SLC36A2: variants seen among roughly 807,000 people sequenced by gnomAD.
The protein encoded by SLC36A2 is solute carrier family 36 member 2.
Under a neutral mutation model 42.7 loss-of-function variants are expected in SLC36A2, and 39 were observed. That is an observed-to-expected ratio of 0.91 (90% CI 0.71 to 1.19). The LOEUF (loss-of-function observed/expected upper bound fraction) is 1.19. Among genes scored for constraint, SLC36A2 ranks in the 50% most tolerant of loss-of-function variants. The probability of loss-of-function intolerance (pLI) is 0.00; values close to 1 mark genes in which losing one functional copy is unlikely to be tolerated. For synonymous variants in SLC36A2, 237 were observed against 240.8 expected (o/e 0.98, Z 0.15); for missense variants, 590 against 613.7 (o/e 0.96, Z 0.41).
chr5:151,344,768 G>C (rs1386108989), intron 1 of SLC36A2, among the ~76,000 whole-genome samples: 1 of 152,088 alleles, frequency 6.6e-6, no homozygotes, highest in East Asian at 1.9e-4. Flanking sequence ...TCATAACTGA[G>C]GAAATGAAGG....
At chr5:151,335,243 GT>G in intron 6 of SLC36A2, 85 bp downstream of exon 6, 1 of 964,828 alleles carries the variant, frequency 1.0e-6, no homozygotes, top group Admixed American at 2.0e-5. Context: ...CACCTACAGG[GT>G]TGGCTCCAGG....
At position 151,331,907 on chromosome 5, in the gene SLC36A2, C is replaced by T. The variant is rs569457484; in HGVS notation, c.843+1317G>A. Among the ~76,000 whole-genome samples, 26 of 152,180 alleles carry T rather than the reference C, an allele frequency of 1.7e-4. No individual in the cohort carries two copies. The South Asian group carries it at 5.4e-3, about 32-fold the overall frequency. ...TATGGGACAGAGTCTTGCTCTGTCA[C>T]CCAGGCTGGAGTGCAGTGGCGCCAT... On this transcript the variant is annotated intron_variant, in intron 7 of 9. Transcript: ENST00000335244.
chr5:151,346,706 C>T lies in SLC36A2; in HGVS notation c.164+591G>A, dbSNP rs116757934. On this transcript the variant is annotated intron_variant, in intron 1 of 9. Transcript: ENST00000335244. ...AGCTGCAGCCCTGTAGCTTGGCTTC[C>T]CTCTTTTTTTATGTTTTGGAAGCCT... Among the ~76,000 whole-genome samples the T allele has an allele frequency of 9.6e-3, 1,458 of 152,196 alleles. 22 individuals are homozygous for T. Among genetic ancestry groups the T allele is most frequent in the African/African-American group, 0.033 (1,387 of 41,510 alleles).
chr5:151,321,494 G>A (rs1226882914), intron 9 of SLC36A2, among the ~76,000 whole-genome samples: 2 of 152,084 alleles, frequency 1.3e-5, no homozygotes, highest in East Asian at 1.9e-4. Context: ...AGTTCTTACA[G>A]TTATTGTTTG....
chr5:151,340,098 G>A (rs536344593), intron 4 of SLC36A2, among the ~76,000 whole-genome samples: 2 of 141,324 alleles, frequency 1.4e-5, no homozygotes, highest in Admixed American at 1.4e-4. Flanking sequence ...AGGAAAAAGA[G>A]GAGAAGGAGG....
chr5:151,319,152 T>G, intron 9 of SLC36A2: 2 of 975,328 alleles, frequency 2.1e-6, no homozygotes, highest in South Asian at 9.5e-5. Context: ...AGATTTTTCA[T>G]GTAAAGCATT....
chr5:151,333,417 T>G, intron 6 of SLC36A2, 95 bp from the exon 7 acceptor site: 1 of 1,021,526 alleles, frequency 9.8e-7, no homozygotes, highest in Non-Finnish European at 1.5e-6. Flanking sequence ...CTGAATTTTT[T>G]AAAATTGAAT....
chr5:151,322,060 A>G lies in SLC36A2; in HGVS notation c.1166T>C (p.Met389Thr). 1 of 1,614,216 alleles carries G rather than the reference A, an allele frequency of 6.2e-7. No homozygotes were observed. The highest frequency in any genetic ancestry group is 8.5e-7 in the Non-Finnish European group (1 of 1,180,034). ...LPLDLSIRLV[M>T]VCLTCLLAIL... ...TTTCTACTCACATGTCAGGCAGACC[A>G]TGACGAGGCGAATGGACAGATCCAG... The change falls in exon 9 of 10, where the codon ATG becomes ACG. Residue 389 changes from methionine (M) to threonine (T), a missense_variant. Physicochemically the swap from Met to Thr is moderately conservative, Grantham distance 81. Coordinates refer to ENST00000335244, the MANE Select transcript of SLC36A2 (RefSeq NM_181776.3).
At chr5:151,325,624 C>G (rs1184295671) in intron 7 of SLC36A2, among the ~76,000 whole-genome samples, 172 bp from the exon 8 acceptor site, 1 of 152,118 alleles carries the variant, frequency 6.6e-6, no homozygotes, top group East Asian at 1.9e-4. Flanking sequence ...TGGAAGCAAC[C>G]CAAGGGTCTA....
chr5:151,347,227 C>T (rs1756520539), intron 1 of SLC36A2, 70 bp downstream of exon 1: 42 of 1,590,898 alleles, frequency 2.6e-5, no homozygotes, highest in Non-Finnish European at 3.4e-5. Flanking sequence ...ACACACCCAC[C>T]TCAGGGTTTT....
At position 151,317,491 on chromosome 5, in the gene SLC36A2, C is replaced by T. The variant is rs186414826; in HGVS notation, c.1181-403G>A. Among the ~76,000 whole-genome samples, 25 of 150,532 alleles carry T rather than the reference C, an allele frequency of 1.7e-4. No individual in the cohort carries two copies. In the East Asian group the frequency reaches 4.9e-3, roughly 29 times the overall value. Reference sequence around the variant, plus strand: ...AAAAATCCTCTTCTTAAAAAATGAACTAATTGTTTCTCAGAAATTCAATTA... The same window carrying T: ...AAAAATCCTCTTCTTAAAAAATGAATTAATTGTTTCTCAGAAATTCAATTA... On this transcript the variant is annotated intron_variant, in intron 9 of 9. Transcript: ENST00000335244.
chr5:151,316,917 C>T lies in SLC36A2; in HGVS notation c.1352G>A (p.Gly451Asp). 6.2e-7 allele frequency: 1 copy of T among 1,614,066 alleles called. No homozygotes were observed. The change falls in exon 10 of 10, where the codon GGC becomes GAC. Residue 451 changes from glycine to aspartate, a missense_variant. Gly to Asp is a moderately conservative substitution (Grantham distance 94). Coordinates refer to ENST00000335244, the MANE Select transcript of SLC36A2 (RefSeq NM_181776.3). ...GGTCCCCACCACAAAGCCCACGAAGCCCAGGATGCTGATCAGGGCGTCCTT... is the reference window on the plus strand; with the variant it reads ...GGTCCCCACCACAAAGCCCACGAAGTCCAGGATGCTGATCAGGGCGTCCTT... The part of the protein sequence containing the change: ...IFKDALISIL[G>D]FVGFVVGTYQ...
intron 4 of SLC36A2, among the ~76,000 whole-genome samples, chr5:151,339,735 T>TA (rs1561660494): frequency 6.6e-6 from 1 of 152,266 alleles, no homozygotes; most frequent in Admixed American, 6.5e-5. Flanking sequence ...TCATCATTGA[T>TA]ACCAATTAAT....
intron 9 of SLC36A2, among the ~76,000 whole-genome samples, chr5:151,318,541 A>G (rs1340398886): frequency 6.9e-6 from 1 of 145,778 alleles, no homozygotes; most frequent in African/African-American, 2.5e-5. Context: ...TTATTTATAA[A>G]TATTTATTTA....
In SLC36A2 at chr5:151,316,697, A is replaced by G; in HGVS notation, c.*120T>C. On this transcript the variant is annotated 3_prime_UTR_variant, in exon 10 of 10. Coordinates refer to ENST00000335244, the MANE Select transcript of SLC36A2 (RefSeq NM_181776.3). ...CGAAGTTGTGGTGAGCTGAGATCGC[A>G]TCATTGTACTCCAGTCTGGGCAACA... 7.9e-7 allele frequency: 1 copy of G among 1,261,174 alleles called. No homozygotes were observed. The highest frequency in any genetic ancestry group is 1.1e-6 in the Non-Finnish European group (1 of 924,116). The allele number at this position is 1,261,174 out of a possible 1,614,324, so 78.1% of individuals were successfully genotyped here. A position where few individuals can be genotyped will look rare whatever the true frequency, so the allele number is the denominator to read the frequency against.
At position 151,343,059 on chromosome 5, in the gene SLC36A2, C is replaced by A. The variant is rs559755373; in HGVS notation, c.345-76G>T. The A allele has an allele frequency of 1.2e-5, 14 of 1,150,894 alleles. No individual in the cohort carries two copies. The African/African-American group carries it at 2.0e-4, about 16-fold the overall frequency. The allele number at this position is 1,150,894 out of a possible 1,614,324, so 71.3% of individuals were successfully genotyped here. A position where few individuals can be genotyped will look rare whatever the true frequency, so the allele number is the denominator to read the frequency against. ...TCACATGGTCAAAAGTCAGGAGACA[C>A]AGAACAAGGCAGGACACAGCTAAAG... On this transcript the variant is annotated intron_variant, in intron 3 of 9. Coordinates refer to ENST00000335244, the MANE Select transcript of SLC36A2 (RefSeq NM_181776.3).
chr5:151,317,203 G>GTGCTGGGATTA, intron 9 of SLC36A2, 115 bp from the exon 10 acceptor site: 1 of 1,382,644 alleles, frequency 7.2e-7, no homozygotes, highest in Non-Finnish European at 1.0e-6. Context: ...TGTAATCCCA[G>GTGCTGGGATTA]CACTTTGGGA....
rs770776993 is a variant in SLC36A2 at position 151,333,339 on chromosome 5, T to A, written c.745-17A>T. On this transcript the variant is annotated splice_polypyrimidine_tract_variant and intron_variant, in intron 6 of 9. Coordinates refer to ENST00000335244, the MANE Select transcript of SLC36A2 (RefSeq NM_181776.3). ...TGGGATTTCCTAAAGAAGAAAGAAA[T>A]GCTATGAGACAGTCACTCTTAAAGC... is the stretch of plus-strand genomic sequence containing the variant. 1.3e-5 allele frequency: 21 copies of A among 1,605,260 alleles called. No homozygotes were observed. In the South Asian group the frequency reaches 2.3e-4, roughly 18 times the overall value.
At chr5:151,328,645 A>G (rs960614544) in intron 7 of SLC36A2, among the ~76,000 whole-genome samples, 2 of 152,184 alleles carry the variant, frequency 1.3e-5, no homozygotes. Flanking sequence ...TAAAAATCTG[A>G]GATAGAAATC....
Sources: allele counts gnomAD v4.1 joint callset (sites outside exome capture counted in the v4.1 genomes callset), GRCh38; gene constraint gnomAD v4.1.1; transcripts MANE v1.5; gene names NCBI Gene and HGNC (gene_info 2026-07-23, HGNC 2026-07-21).